Variants in PCDHGA5 observed in about 807,000 individuals in gnomAD.
PCDHGA5 encodes the protein protocadherin gamma-A5.
In PCDHGA5, 36 loss-of-function variants were observed where a neutral mutation model predicts 56.7. That is an observed-to-expected ratio of 0.64 (90% CI 0.49 to 0.84). PCDHGA5 has a LOEUF of 0.84. Ranked by LOEUF, PCDHGA5 falls within the 40% of genes least tolerant of loss-of-function variation. The pLI is 0.00. For missense variants in PCDHGA5, 1,305 were observed against 1,201.5 expected, an observed-to-expected ratio of 1.09 and a Z score of -1.27; for synonymous variants, 563 against 520.2, an observed-to-expected ratio of 1.08 and a Z score of -1.12.
intron 1 of PCDHGA5, chr5:141,372,749 C>T (rs1368298645): frequency 1.2e-6 from 2 of 1,613,056 alleles, no homozygotes; most frequent in Non-Finnish European, 1.7e-6. Flanking sequence ...GTGATGAAGC[C>T]TCTTGGTTTG....
At chr5:141,376,287 T>A in intron 1 of PCDHGA5, 1 of 1,614,228 alleles carries the variant, frequency 6.2e-7, no homozygotes, top group Non-Finnish European at 8.5e-7. Flanking sequence ...TTAGCGAGCA[T>A]GCCCGGCTCG....
At chr5:141,469,792 A>G (rs989190786) in intron 1 of PCDHGA5, among the ~76,000 whole-genome samples, 1 of 152,194 alleles carries the variant, frequency 6.6e-6, no homozygotes, top group African/African-American at 2.4e-5. Flanking sequence ...GTTATTTGTA[A>G]TTGCAAAAAC....
At chr5:141,396,729 T>C (rs1197764011) in intron 1 of PCDHGA5, 1 of 152,214 alleles carries the variant, frequency 6.6e-6, no homozygotes, top group Non-Finnish European at 1.5e-5. Flanking sequence ...CCTGAATTGA[T>C]TGTTGTAAGG....
intron 1 of PCDHGA5, chr5:141,405,408 TTTTTTTG>T (rs2094659443): frequency 2.5e-6 from 4 of 1,572,390 alleles, no homozygotes; most frequent in African/African-American, 1.4e-5. Flanking sequence ...CTTTCTTTTC[TTTTTTTG>T]TTTTTTGTTT....
At position 141,486,392 on chromosome 5, in the gene PCDHGA5, C is replaced by T; in HGVS notation, c.2422-8415C>T. ...GTCTGCCTTCAGGAACCAGTTCTCC[C>T]TGGTGACTGCTGGACCCTTGGATCG... On this transcript the variant is annotated intron_variant, in intron 1 of 3. Coordinates refer to ENST00000518069, the MANE Select transcript of PCDHGA5 (RefSeq NM_018918.3). The surrounding 1 kb of genome is among the most constrained non-coding windows in gnomAD (Gnocchi z 5.0). 1 of 1,614,170 alleles carries T rather than the reference C, an allele frequency of 6.2e-7. No individual in the cohort carries two copies. Among genetic ancestry groups the T allele is most frequent in the Non-Finnish European group, 8.5e-7 (1 of 1,180,014 alleles).
At chr5:141,494,554 T>C (rs1270280236) in intron 1 of PCDHGA5, among the ~76,000 whole-genome samples, 1 of 152,178 alleles carries the variant, frequency 6.6e-6, no homozygotes, top group African/African-American at 2.4e-5. Flanking sequence ...GGGCCATTTC[T>C]TTAGGAAAGG....
At chr5:141,377,334 G>C (rs1046555445) in intron 1 of PCDHGA5, 3 of 152,142 alleles carry the variant, frequency 2.0e-5, no homozygotes, top group South Asian at 4.1e-4. Flanking sequence ...TAGCTAGCAT[G>C]GTGGTTCACG....
chr5:141,375,647 T>C (rs1265306389), intron 1 of PCDHGA5: 2 of 1,614,038 alleles, frequency 1.2e-6, no homozygotes. Flanking sequence ...CTCCTTCGAC[T>C]ATGAGCAGTT....
At chr5:141,388,438 A>C in intron 1 of PCDHGA5, 4 of 1,613,906 alleles carry the variant, frequency 2.5e-6, no homozygotes, top group Non-Finnish European at 3.4e-6. Flanking sequence ...AATAAAGAGA[A>C]ATCAGATGGC....
intron 1 of PCDHGA5, chr5:141,428,371 C>A: frequency 5.6e-6 from 3 of 536,772 alleles, no homozygotes; most frequent in Non-Finnish European, 1.0e-5. Flanking sequence ...CGCCTTGCAC[C>A]TGCGATGCTC....
intron 1 of PCDHGA5, chr5:141,404,393 A>G: frequency 6.2e-7 from 1 of 1,613,962 alleles, no homozygotes; most frequent in Non-Finnish European, 8.5e-7. Flanking sequence ...TGACCCTGAT[A>G]GCAATGAGAA....
chr5:141,395,016 G>T, intron 1 of PCDHGA5: 1 of 1,614,068 alleles, frequency 6.2e-7, no homozygotes, highest in Admixed American at 1.7e-5. Flanking sequence ...ATTGGTAGGC[G>T]TGCCTGCCTC....
intron 1 of PCDHGA5, chr5:141,395,091 A>ACCG (rs771313907): frequency 6.2e-7 from 1 of 1,614,118 alleles, no homozygotes; most frequent in South Asian, 1.1e-5. Context: ...AGTCTCCCTC[A>ACCG]CCGCCGACTC....
intron 1 of PCDHGA5, among the ~76,000 whole-genome samples, chr5:141,380,623 C>T (rs1249230107): frequency 6.6e-6 from 1 of 152,204 alleles, no homozygotes; most frequent in Non-Finnish European, 1.5e-5. Flanking sequence ...TGTTCGATAA[C>T]TTAGAAAATG....
intron 1 of PCDHGA5, among the ~76,000 whole-genome samples, chr5:141,467,304 C>T (rs567912553): frequency 2.0e-5 from 3 of 152,266 alleles, no homozygotes; most frequent in Admixed American, 6.5e-5. Flanking sequence ...CCACTCACCT[C>T]GGCCTCCCAC....
intron 1 of PCDHGA5, among the ~76,000 whole-genome samples, chr5:141,444,152 ATTTTTTTTTTTTTTTTTTTTTT>A (rs747671382): frequency 8.9e-5 from 3 of 33,882 alleles, no homozygotes; most frequent in East Asian, 1.0e-3. Flanking sequence ...TGTGTACTGG[ATTTTTTTTTTTTTTTTTTTTTT>A]TTTTTTTTTT....
chr5:141,374,400 T>A (rs1389485133), intron 1 of PCDHGA5: 2 of 1,613,908 alleles, frequency 1.2e-6, no homozygotes, highest in Non-Finnish European at 1.7e-6. Flanking sequence ...CTGGTGAGTT[T>A]TAACATCCTT....
chr5:141,507,483 T>G (rs2099860964), intron 3 of PCDHGA5, among the ~76,000 whole-genome samples: 1 of 152,184 alleles, frequency 6.6e-6, no homozygotes, highest in South Asian at 2.1e-4. Context: ...GCTGGCCTCC[T>G]GAGGCAGAGC....
intron 1 of PCDHGA5, among the ~76,000 whole-genome samples, chr5:141,484,796 C>A (rs987893041): frequency 1.3e-5 from 2 of 151,304 alleles, no homozygotes; most frequent in African/African-American, 4.9e-5. Flanking sequence ...GATAACAACC[C>A]GTGGAAAAAC....
Sources: allele counts gnomAD v4.1 joint callset (sites outside exome capture counted in the v4.1 genomes callset), GRCh38; gene constraint gnomAD v4.1.1; non-coding constraint Gnocchi (gnomAD v3.1); transcripts MANE v1.5; gene names NCBI Gene and HGNC (gene_info 2026-07-23, HGNC 2026-07-21).